ABI2: variants seen among roughly 807,000 people sequenced by gnomAD.
The protein encoded by ABI2 is abl interactor 2.
A neutral mutation model predicts 59.2 loss-of-function variants in ABI2; 25 were observed. The ratio of observed to expected loss-of-function variants is 0.42; its 90% CI spans 0.31 to 0.59. The LOEUF (loss-of-function observed/expected upper bound fraction) is 0.59, where lower values mean the gene tolerates loss of function less well. Ranked by LOEUF, ABI2 falls within the 20% of genes least tolerant of loss-of-function variation. The pLI is 0.14. For missense variants in ABI2, 545 were observed against 681.8 expected, an observed-to-expected ratio of 0.80 and a Z score of 2.23; for synonymous variants, 213 against 235.5, an observed-to-expected ratio of 0.90 and a Z score of 0.87.
intron 9 of ABI2, among the ~76,000 whole-genome samples, chr2:203,404,256 C>T (rs2097339184): frequency 6.6e-6 from 1 of 152,088 alleles, no homozygotes; most frequent in South Asian, 2.1e-4. Flanking sequence ...CAAATGAATC[C>T]CTTGTTCATT....
intron 1 of ABI2, among the ~76,000 whole-genome samples, chr2:203,362,525 T>C (rs985958671): frequency 1.6e-4 from 25 of 152,202 alleles, no homozygotes; most frequent in African/African-American, 5.1e-4. Context: ...TTATTTATTT[T>C]ATTTTATTTA....
intron 1 of ABI2, among the ~76,000 whole-genome samples, chr2:203,362,048 G>T (rs1412951409): frequency 6.6e-6 from 1 of 152,192 alleles, no homozygotes; most frequent in East Asian, 1.9e-4. Context: ...AAAGAGCTCT[G>T]CAGTTGATCA....
At chr2:203,417,160 T>C in intron 11 of ABI2, 79 bp downstream of exon 11, 1 of 1,247,860 alleles carries the variant, frequency 8.0e-7, no homozygotes, top group African/African-American at 1.5e-5. Context: ...GAAGAGAATC[T>C]TATTTTCTAC....
rs1382162916 is a variant in ABI2 at position 203,382,143 on chromosome 2, T to C, written c.463-46T>C. ...CCTGAAGTTTCAACTAACCTTTCAA[T>C]GCTTTTTTTCCTTACCTCTTTTATT... is the stretch of plus-strand genomic sequence containing the variant. On this transcript the variant is annotated intron_variant, in intron 3 of 11. Coordinates refer to ENST00000261018, the MANE Select transcript of ABI2 (RefSeq NM_001375670.1). 2.0e-6 allele frequency: 3 copies of C among 1,497,058 alleles called. No homozygotes were observed. The African/African-American group carries it at 4.2e-5, about 21-fold the overall frequency. 92.7% of individuals were successfully genotyped at this position (1,497,058 alleles called of 1,614,324 possible).
intron 1 of ABI2, chr2:203,329,303 T>G (rs1403820327): frequency 1.3e-5 from 1 of 77,268 alleles, no homozygotes; most frequent in Non-Finnish European, 4.4e-5. Flanking sequence ...CTATGACTGT[T>G]TCTTAGAGAG....
At chr2:203,395,452 C>CATATATATATATATATAT (rs2096942224) in intron 6 of ABI2, among the ~76,000 whole-genome samples, 2 of 58,550 alleles carry the variant, frequency 3.4e-5, no homozygotes, top group African/African-American at 8.1e-5. Context: ...TATATATACA[C>CATATATATATATATATAT]ACACACACAC....
At chr2:203,417,120 C>A in intron 11 of ABI2, 39 bp downstream of exon 11, 1 of 1,508,856 alleles carries the variant, frequency 6.6e-7, no homozygotes, top group Non-Finnish European at 8.9e-7. Flanking sequence ...TGGGAAGAAA[C>A]CTCTACATAG....
At chr2:203,351,739 T>C in intron 1 of ABI2, 1 of 304,742 alleles carries the variant, frequency 3.3e-6, no homozygotes, top group Non-Finnish European at 6.4e-6. Flanking sequence ...TCTCACTTCA[T>C]TGCTCAGGCT....
intron 4 of ABI2, among the ~76,000 whole-genome samples, chr2:203,385,922 A>G (rs998085059): frequency 2.0e-5 from 3 of 151,764 alleles, no homozygotes; most frequent in Non-Finnish European, 4.4e-5. Flanking sequence ...TCTGTGTTTT[A>G]TTGTTGGACT....
At chr2:203,367,149 A>C (rs1211736423) in intron 2 of ABI2, 105 bp downstream of exon 2, 1 of 1,352,282 alleles carries the variant, frequency 7.4e-7, no homozygotes, top group Non-Finnish European at 9.6e-7. Flanking sequence ...ACTCACATGT[A>C]CGATTTGGAA....
At chr2:203,358,825 C>T (rs1435581456) in intron 1 of ABI2, among the ~76,000 whole-genome samples, 2 of 152,186 alleles carry the variant, frequency 1.3e-5, no homozygotes, top group African/African-American at 4.8e-5. Context: ...GCCTGACTAA[C>T]ATGGCGAAAC....
intron 1 of ABI2, among the ~76,000 whole-genome samples, chr2:203,342,577 T>G (rs973372821): frequency 6.6e-6 from 1 of 150,492 alleles, no homozygotes; most frequent in Admixed American, 6.7e-5. Context: ...TATTTATTTA[T>G]TTATTTATTT....
chr2:203,379,377 A>G (rs2095946188), intron 2 of ABI2, among the ~76,000 whole-genome samples: 1 of 152,038 alleles, frequency 6.6e-6, no homozygotes, highest in African/African-American at 2.4e-5. Flanking sequence ...CCTCTCAGTT[A>G]GCTGGGATTA....
chr2:203,346,117 C>G (rs539234551), intron 1 of ABI2, among the ~76,000 whole-genome samples: 41 of 151,176 alleles, frequency 2.7e-4, no homozygotes, highest in Non-Finnish European at 5.2e-4. Flanking sequence ...GCCATTCACT[C>G]CAGTCTGGGT....
At chr2:203,367,864 T>TA (rs2094613649) in intron 2 of ABI2, among the ~76,000 whole-genome samples, 1 of 151,574 alleles carries the variant, frequency 6.6e-6, no homozygotes, top group Non-Finnish European at 1.5e-5. Flanking sequence ...ATTAGCCAGG[T>TA]TTGGTGGTGC....
At chr2:203,377,697 G>A (rs1457686305) in intron 2 of ABI2, among the ~76,000 whole-genome samples, 2 of 152,220 alleles carry the variant, frequency 1.3e-5, no homozygotes, top group African/African-American at 4.8e-5. Flanking sequence ...CTTGAGCTTA[G>A]GAGTTCAAGA....
intron 11 of ABI2, among the ~76,000 whole-genome samples, chr2:203,422,696 GT>G (rs375970505): frequency 3.9e-5 from 6 of 152,148 alleles, no homozygotes; most frequent in Non-Finnish European, 8.8e-5. Flanking sequence ...TAGAAGGCCA[GT>G]TTTTTTCAAG....
At chr2:203,412,824 A>G (rs1382484250) in intron 10 of ABI2, among the ~76,000 whole-genome samples, 1 of 152,224 alleles carries the variant, frequency 6.6e-6, no homozygotes, top group African/African-American at 2.4e-5. Flanking sequence ...CAGGTTTTAA[A>G]AAATGTCTGC....
intron 1 of ABI2, among the ~76,000 whole-genome samples, chr2:203,350,789 C>T (rs1005983149): frequency 2.0e-5 from 3 of 151,910 alleles, no homozygotes; most frequent in Non-Finnish European, 4.4e-5. Context: ...CCACCCGCCT[C>T]GGCCTCCCAA....
Sources: gnomAD v4.1 joint callset for allele counts (sites outside exome capture counted in the v4.1 genomes callset) on GRCh38, gnomAD v4.1.1 for gene constraint, MANE v1.5 for transcripts, NCBI Gene and HGNC (gene_info 2026-07-23, HGNC 2026-07-21) for gene names.